Variants in TANGO6 observed in about 807,000 individuals in gnomAD.
TANGO6 encodes transport and Golgi organization protein 6 homolog.
TANGO6 carries 90 observed loss-of-function variants against 114.2 expected under a neutral mutation model. That is an observed-to-expected ratio of 0.79 (90% CI 0.66 to 0.94). TANGO6 has a LOEUF of 0.94. Ranked by LOEUF, TANGO6 falls within the 40% of genes least tolerant of loss-of-function variation. The probability of loss-of-function intolerance (pLI) is 0.00; values close to 1 mark genes in which losing one functional copy is unlikely to be tolerated. For missense variants in TANGO6, 1,274 were observed against 1,315.3 expected (o/e 0.97, Z 0.49); for synonymous variants, 477 against 509.8 (o/e 0.94, Z 0.87).
At chr16:69,067,537 A>AAAAAAAAAAAAAAAAAAAG (rs1960233882) in intron 17 of TANGO6, among the ~76,000 whole-genome samples, 3 of 148,190 alleles carry the variant, frequency 2.0e-5, no homozygotes, top group Admixed American at 6.8e-5. Flanking sequence ...AAAAAAAAAA[A>AAAAAAAAAAAAAAAAAAAG]CGCTGGGCGC....
intron 15 of TANGO6, among the ~76,000 whole-genome samples, chr16:69,014,397 A>G (rs1217341545): frequency 6.6e-6 from 1 of 152,194 alleles, no homozygotes; most frequent in Non-Finnish European, 1.5e-5. Flanking sequence ...ACTGGGTCAC[A>G]TGCCCATGCC....
intron 15 of TANGO6, among the ~76,000 whole-genome samples, chr16:68,996,089 T>TCACATA (rs1963986680): frequency 2.6e-5 from 4 of 152,212 alleles, no homozygotes; most frequent in African/African-American, 7.2e-5. Flanking sequence ...ATCCCTCTTC[T>TCACATA]GTTCATAAAG....
chr16:68,911,396 T>C (rs546105693), intron 11 of TANGO6, among the ~76,000 whole-genome samples: 74 of 151,786 alleles, frequency 4.9e-4, no homozygotes, highest in African/African-American at 1.7e-3. Context: ...TAAGCATTCT[T>C]AGTGACAATT....
intron 15 of TANGO6, among the ~76,000 whole-genome samples, chr16:68,989,368 T>C (rs1299920771): frequency 6.6e-6 from 1 of 152,146 alleles, no homozygotes; most frequent in Non-Finnish European, 1.5e-5. Flanking sequence ...TTTAGGTACA[T>C]GGACTCTTTC....
chr16:69,049,711 A>G (rs1013471392), intron 17 of TANGO6, among the ~76,000 whole-genome samples: 1 of 151,372 alleles, frequency 6.6e-6, no homozygotes. Context: ...AAATGCTAGG[A>G]TTACAGGCAT....
chr16:68,866,975 CTTTTT>C (rs536677611), intron 3 of TANGO6, 99 bp from the exon 4 acceptor site: 739 of 226,854 alleles, frequency 3.3e-3, no homozygotes, highest in Middle Eastern at 5.6e-3. Flanking sequence ...GCTATTTCTC[CTTTTT>C]TTTTTTTTTT....
intron 16 of TANGO6, among the ~76,000 whole-genome samples, chr16:69,030,753 A>G (rs1959580377): frequency 6.6e-6 from 1 of 151,962 alleles, no homozygotes; most frequent in African/African-American, 2.4e-5. Flanking sequence ...TTATGTTTCA[A>G]CCTTAAAACA....
At chr16:69,065,981 C>A (rs1164765117) in intron 17 of TANGO6, among the ~76,000 whole-genome samples, 1 of 152,172 alleles carries the variant, frequency 6.6e-6, no homozygotes, top group African/African-American at 2.4e-5. Context: ...AGAGGCCACT[C>A]GCCTCAAAGA....
At chr16:69,029,650 G>A (rs1255132635) in intron 16 of TANGO6, among the ~76,000 whole-genome samples, 1 of 152,192 alleles carries the variant, frequency 6.6e-6, no homozygotes, top group African/African-American at 2.4e-5. Flanking sequence ...GTCTTAGGCG[G>A]TGGGGCCGTT....
chr16:69,005,350 G>A (rs1209978719), intron 15 of TANGO6, among the ~76,000 whole-genome samples: 1 of 152,194 alleles, frequency 6.6e-6, no homozygotes, highest in Non-Finnish European at 1.5e-5. Context: ...TGACAGGGTG[G>A]GCTACTAAGG....
chr16:69,016,355 G>T (rs926138284), intron 15 of TANGO6, among the ~76,000 whole-genome samples: 1 of 151,456 alleles, frequency 6.6e-6, no homozygotes, highest in Non-Finnish European at 1.5e-5. Context: ...CCGAGATTGC[G>T]CTGTTGCATT....
At chr16:68,908,179 G>A (rs1962877393) in intron 10 of TANGO6, among the ~76,000 whole-genome samples, 1 of 152,074 alleles carries the variant, frequency 6.6e-6, no homozygotes, top group African/African-American at 2.4e-5. Flanking sequence ...CTTCCCCTAA[G>A]TAAAGTGTCT....
intron 14 of TANGO6, among the ~76,000 whole-genome samples, chr16:68,964,653 G>A (rs1963627565): frequency 6.9e-6 from 1 of 144,490 alleles, no homozygotes; most frequent in Non-Finnish European, 1.5e-5. Context: ...TGCAACCTCC[G>A]CCTCCTGGGT....
intron 16 of TANGO6, among the ~76,000 whole-genome samples, chr16:69,038,885 A>G (rs796791530): frequency 1.5e-4 from 23 of 152,192 alleles, no homozygotes; most frequent in African/African-American, 4.6e-4. Context: ...TCTACTAAAA[A>G]TACAAAAATT....
intron 16 of TANGO6, chr16:69,035,214 T>A (rs1959667579): frequency 6.6e-6 from 1 of 152,208 alleles, no homozygotes; most frequent in Admixed American, 6.5e-5. Flanking sequence ...GAGATAGATG[T>A]TCTGGGAAAC....
chr16:69,064,900 G>T (rs1960190005), intron 17 of TANGO6, among the ~76,000 whole-genome samples: 3 of 152,168 alleles, frequency 2.0e-5, no homozygotes, highest in African/African-American at 7.2e-5. Context: ...TAGAAGTGTG[G>T]TGCCCTCAGC....
chr16:68,892,400 A>G (rs578221893), intron 7 of TANGO6, among the ~76,000 whole-genome samples: 2 of 152,172 alleles, frequency 1.3e-5, no homozygotes, highest in South Asian at 2.1e-4. Flanking sequence ...ACCAGTCTGT[A>G]TCCTTGCCTA....
At chr16:68,998,808 G>A (rs1964015824) in intron 15 of TANGO6, among the ~76,000 whole-genome samples, 2 of 151,800 alleles carry the variant, frequency 1.3e-5, no homozygotes, top group South Asian at 4.1e-4. Flanking sequence ...TATATAAAGT[G>A]CAGCAAGAAT....
intron 4 of TANGO6, among the ~76,000 whole-genome samples, chr16:68,870,574 T>C (rs980114690): frequency 6.6e-6 from 1 of 152,298 alleles, no homozygotes; most frequent in Admixed American, 6.5e-5. Context: ...ATCAGAACCC[T>C]CTTTTTCCTA....
Sources: allele counts gnomAD v4.1 joint callset (sites outside exome capture counted in the v4.1 genomes callset), GRCh38; gene constraint gnomAD v4.1.1; transcripts MANE v1.5; gene names NCBI Gene and HGNC (gene_info 2026-07-23, HGNC 2026-07-21).